The following ABCA8 variants were observed in gnomAD, a reference collection of about 807,000 sequenced individuals.
ABCA8 encodes the protein ATP binding cassette subfamily A member 8.
A neutral mutation model predicts 192.3 loss-of-function variants in ABCA8; 177 were observed. That is an observed-to-expected ratio of 0.92 (90% CI 0.81 to 1.04). ABCA8 has a LOEUF of 1.04. ABCA8 is among the 50% of genes least tolerant of loss of function. The pLI is 0.00. For missense variants in ABCA8, 1,915 were observed against 1,904.8 expected, an observed-to-expected ratio of 1.01 and a Z score of -0.10; for synonymous variants, 642 against 690.2, an observed-to-expected ratio of 0.93 and a Z score of 1.09.
At chr17:68,951,685 G>A (rs2068572049) in intron 1 of ABCA8, among the ~76,000 whole-genome samples, 1 of 129,808 alleles carries the variant, frequency 7.7e-6, no homozygotes, top group African/African-American at 3.3e-5. Flanking sequence ...TTATGTTTCA[G>A]TAATAGGTTG....
intron 12 of ABCA8, 26 bp downstream of exon 12, chr17:68,922,216 T>TACC (rs1555614370): frequency 3.0e-5 from 3 of 101,168 alleles, no homozygotes; most frequent in African/African-American, 6.7e-5. Context: ...TTTTTTTTTT[T>TACC]TTTTTTTTTT....
Position 68,924,799 on chromosome 17 carries a change from A to G in ABCA8, c.1344T>C (p.Thr448=). The G allele has an allele frequency of 6.2e-7, 1 of 1,614,150 alleles. No individual in the cohort carries two copies. The highest frequency in any genetic ancestry group is 2.2e-5 in the East Asian group (1 of 44,880). Residue 448 remains threonine, a synonymous_variant, in exon 11 of 40, where the codon ACT becomes ACC. Transcript: ENST00000586539. ...KSSFWSQTQK[T]DHVALEDEMD... is the part of the protein sequence containing the mutation. ...TTTCATCTTCAAGGGCCACGTGATC[A>G]GTCTTTTGTGTTTGAGACCAAAATG...
chr17:68,877,407 G>C (rs4148009), intron 33 of ABCA8, 112 bp downstream of exon 33: 370,441 of 956,022 alleles, frequency 0.39, 74,518 homozygotes, highest in Admixed American at 0.52. Context: ...TACCCAGTGT[G>C]ACCTGGGTCA....
intron 24 of ABCA8, among the ~76,000 whole-genome samples, chr17:68,888,759 T>C (rs138897613): frequency 6.6e-6 from 1 of 152,284 alleles, no homozygotes; most frequent in East Asian, 1.9e-4. Flanking sequence ...GGAGGTCAAA[T>C]TAGATACAAT....
At chr17:68,932,668 G>A (rs189744989) in intron 6 of ABCA8, among the ~76,000 whole-genome samples, 154 bp from the exon 7 acceptor site, 136 of 152,170 alleles carry the variant, frequency 8.9e-4, no homozygotes, top group African/African-American at 3.1e-3. Context: ...TGACCTGCTG[G>A]GACCTCGGAG....
At chr17:68,946,853 A>G (rs1043941876) in intron 2 of ABCA8, among the ~76,000 whole-genome samples, 1 of 152,142 alleles carries the variant, frequency 6.6e-6, no homozygotes, top group Non-Finnish European at 1.5e-5. Flanking sequence ...AGGCAGGGGA[A>G]TCGCTTGAAC....
rs772380332 is a variant in ABCA8 at position 68,868,268 on chromosome 17, C to T, written c.4767+33G>A. 1.1e-5 allele frequency: 17 copies of T among 1,609,800 alleles called. No homozygotes were observed. The South Asian group carries it at 1.6e-4, about 16-fold the overall frequency. ...CAGGGAATGTTTTATACACATATACCATGGATGATACGAATCCCTAAAAAT... is the reference window on the plus strand; with the variant it reads ...CAGGGAATGTTTTATACACATATACTATGGATGATACGAATCCCTAAAAAT... On this transcript the variant is annotated intron_variant, in intron 39 of 39. Coordinates refer to ENST00000586539, the MANE Select transcript of ABCA8 (RefSeq NM_001288985.2).
At chr17:68,909,541 T>C (rs986188555) in intron 17 of ABCA8, among the ~76,000 whole-genome samples, 1 of 152,224 alleles carries the variant, frequency 6.6e-6, no homozygotes, top group African/African-American at 2.4e-5. Context: ...AAACATGTTA[T>C]GTTTCCATGC....
chr17:68,884,189 G>A (rs564055785), intron 28 of ABCA8, 142 bp downstream of exon 28: 139 of 867,102 alleles, frequency 1.6e-4, no homozygotes, highest in Non-Finnish European at 2.0e-4. Context: ...TAATTCTTCC[G>A]GATTTTACAA....
intron 2 of ABCA8, among the ~76,000 whole-genome samples, chr17:68,943,597 A>G (rs1257651513): frequency 1.3e-5 from 2 of 152,208 alleles, no homozygotes; most frequent in Admixed American, 1.3e-4. Context: ...TGGGTCTATC[A>G]AAGAGCTGAG....
intron 2 of ABCA8, among the ~76,000 whole-genome samples, chr17:68,943,355 C>T (rs1322474094): frequency 3.9e-5 from 6 of 152,006 alleles, no homozygotes; most frequent in Admixed American, 6.6e-5. Context: ...ATATGATCTC[C>T]GTGTATGTGT....
chr17:68,882,533 C>A, intron 30 of ABCA8, 66 bp downstream of exon 30: 1 of 1,439,332 alleles, frequency 6.9e-7, no homozygotes, highest in Admixed American at 2.2e-5. Flanking sequence ...AACAGAGAAA[C>A]TCAAAATCAT....
intron 7 of ABCA8, 65 bp from the exon 8 acceptor site, chr17:68,929,767 G>T: frequency 7.1e-7 from 1 of 1,409,132 alleles, no homozygotes; most frequent in South Asian, 1.5e-5. Flanking sequence ...ACCTGAAATG[G>T]ATTCTAAGAT....
intron 31 of ABCA8, among the ~76,000 whole-genome samples, chr17:68,881,544 G>A (rs1301355823): frequency 6.6e-6 from 1 of 152,242 alleles, no homozygotes; most frequent in Non-Finnish European, 1.5e-5. Context: ...AGCCTTCAGA[G>A]TGTGCTAGCA....
chr17:68,887,039 A>G lies in ABCA8; in HGVS notation c.3407T>C (p.Ile1136Thr). The G allele has an allele frequency of 6.2e-7, 1 of 1,609,338 alleles. No individual in the cohort carries two copies. The highest frequency in any genetic ancestry group is 1.1e-5 in the South Asian group (1 of 90,950). ...IFRKGRKNSG[I>T]WSFCFYVVTV... ...TACAACATAGAAACAAAATGACCAA[A>G]TGCCACTATTTTTTCTCCCCTTGCG... The change falls in exon 26 of 40, where the codon ATT becomes ACT. Residue 1136 changes from isoleucine to threonine, a missense_variant. Physicochemically the swap from Ile to Thr is moderately conservative, Grantham distance 89. Coordinates refer to ENST00000586539, the MANE Select transcript of ABCA8 (RefSeq NM_001288985.2).
rs16973452 is a variant in ABCA8, at chr17:68,932,547, C to T, written c.571-33G>A. ...AAGGCATTAATAAGCAAAATTTGTA[C>T]GTTAATGAACAGCATGCAGTTTTCT... On this transcript the variant is annotated intron_variant, in intron 6 of 39. Transcript: ENST00000586539. The T allele has an allele frequency of 0.015, 20,805 of 1,425,190 alleles. 2,136 individuals are homozygous for T. The African/African-American group carries it at 0.24, about 16-fold the overall frequency. The allele number at this position is 1,425,190 out of a possible 1,614,324, so 88.3% of individuals were successfully genotyped here.
intron 1 of ABCA8, among the ~76,000 whole-genome samples, chr17:68,952,301 C>T (rs576224651): frequency 1.6e-4 from 24 of 152,216 alleles, no homozygotes; most frequent in African/African-American, 4.8e-4. Flanking sequence ...TCACTGCAAG[C>T]TCCGCCTCCT....
chr17:68,928,933 C>T (rs1321534942), intron 9 of ABCA8, 116 bp downstream of exon 9: 82 of 891,352 alleles, frequency 9.2e-5, no homozygotes, highest in Non-Finnish European at 1.2e-4. Context: ...TTACAACAGC[C>T]TTCGCTAGAA....
chr17:68,894,724 T>A (rs1598213720), intron 22 of ABCA8, 156 bp downstream of exon 22: 1 of 768,024 alleles, frequency 1.3e-6, no homozygotes, highest in Non-Finnish European at 2.0e-6. Context: ...CAATGATGGA[T>A]ATATGAATTG....
Sources: allele counts gnomAD v4.1 joint callset (sites outside exome capture counted in the v4.1 genomes callset), GRCh38; gene constraint gnomAD v4.1.1; transcripts MANE v1.5; gene names NCBI Gene and HGNC (gene_info 2026-07-23, HGNC 2026-07-21).